Variants in CCSER1 observed in about 807,000 individuals in gnomAD.
The protein encoded by CCSER1 is serine-rich coiled-coil domain-containing protein 1.
In CCSER1, 41 loss-of-function variants were observed where a neutral mutation model predicts 82.0. The observed-to-expected ratio is 0.50, with a 90% CI of 0.39 to 0.65. The LOEUF is 0.65. Ranked by LOEUF, CCSER1 falls within the 30% of genes least tolerant of loss-of-function variation. CCSER1 has a pLI of 0.00. For missense variants in CCSER1, 1,119 were observed against 1,064.2 expected (o/e 1.05, Z -0.72); for synonymous variants, 414 against 383.9 (o/e 1.08, Z -0.92).
At chr4:91,509,274 A>G (rs1438119567) in intron 10 of CCSER1, among the ~76,000 whole-genome samples, 1 of 151,922 alleles carries the variant, frequency 6.6e-6, no homozygotes, top group Non-Finnish European at 1.5e-5. Flanking sequence ...TAACAAATCC[A>G]TTTTGGTTCA....
At chr4:90,160,167 A>G (rs993117572) in intron 1 of CCSER1, among the ~76,000 whole-genome samples, 3 of 152,176 alleles carry the variant, frequency 2.0e-5, no homozygotes, top group African/African-American at 7.2e-5. Context: ...GCTCTCTTCA[A>G]AACAGTCCTT....
At chr4:90,863,949 T>TTTTTATTTTA (rs57672590) in intron 8 of CCSER1, among the ~76,000 whole-genome samples, 4,997 of 117,606 alleles carry the variant, frequency 0.042, 232 homozygotes, top group Non-Finnish European at 0.06. Flanking sequence ...ACCTATCACG[T>TTTTTATTTTA]TTTTATTTTA....
intron 5 of CCSER1, among the ~76,000 whole-genome samples, chr4:90,496,811 T>C (rs189635568): frequency 6.6e-6 from 1 of 151,872 alleles, no homozygotes; most frequent in Non-Finnish European, 1.5e-5. Flanking sequence ...ACCCCGTCTC[T>C]ACTAAAAATA....
At chr4:90,950,504 A>T (rs1269067090) in intron 9 of CCSER1, among the ~76,000 whole-genome samples, 1 of 151,524 alleles carries the variant, frequency 6.6e-6, no homozygotes, top group African/African-American at 2.4e-5. Flanking sequence ...AAACATACAC[A>T]TACACACACA....
At chr4:90,527,067 G>C (rs1427614692) in intron 5 of CCSER1, among the ~76,000 whole-genome samples, 1 of 152,030 alleles carries the variant, frequency 6.6e-6, no homozygotes, top group South Asian at 2.1e-4. Context: ...CACACCAAAA[G>C]CAATGGCAAC....
intron 5 of CCSER1, among the ~76,000 whole-genome samples, chr4:90,525,304 A>T (rs551880658): frequency 6.6e-6 from 1 of 152,278 alleles, no homozygotes; most frequent in Admixed American, 6.5e-5. Context: ...TTTCTGTAAT[A>T]TAAACGATAG....
chr4:91,497,431 G>A (rs905309665), intron 10 of CCSER1, among the ~76,000 whole-genome samples: 2 of 151,616 alleles, frequency 1.3e-5, no homozygotes, highest in African/African-American at 4.8e-5. Context: ...GGCAAATACT[G>A]AAAATAGAGA....
intron 6 of CCSER1, among the ~76,000 whole-genome samples, chr4:90,704,423 A>C (rs896281480): frequency 1.3e-5 from 2 of 151,966 alleles, no homozygotes; most frequent in Non-Finnish European, 2.9e-5. Flanking sequence ...CCTTCATTTC[A>C]ACTTTGGTGA....
At position 91,465,994 on chromosome 4, in the gene CCSER1, C is replaced by T. The variant is rs1578532031; in HGVS notation, c.2218-132578C>T. 2.0e-5 allele frequency among the ~76,000 whole-genome samples: 3 copies of T among 152,312 alleles called. No homozygotes were observed. The South Asian group carries it at 6.2e-4, about 32-fold the overall frequency. Reference sequence around the variant, plus strand: ...TAGAAAAAGAGGGGATCCTCCCTAACTCATTTTATGAGGCCAGCATCATCC... The same window carrying T: ...TAGAAAAAGAGGGGATCCTCCCTAATTCATTTTATGAGGCCAGCATCATCC... On this transcript the variant is annotated intron_variant, in intron 10 of 10. Transcript: ENST00000509176.
chr4:90,167,850 A>G (rs930520925), intron 1 of CCSER1, among the ~76,000 whole-genome samples: 21 of 152,052 alleles, frequency 1.4e-4, no homozygotes, highest in African/African-American at 5.1e-4. Flanking sequence ...TATATGTGCC[A>G]CATTTTCTTA....
chr4:91,400,985 A>G (rs1329719094), intron 10 of CCSER1, among the ~76,000 whole-genome samples: 1 of 151,950 alleles, frequency 6.6e-6, no homozygotes, highest in Non-Finnish European at 1.5e-5. Context: ...ACCCAGTTCA[A>G]AGTTAAGAAC....
chr4:91,389,000 T>A (rs950979231), intron 10 of CCSER1, among the ~76,000 whole-genome samples: 1 of 152,110 alleles, frequency 6.6e-6, no homozygotes, highest in Admixed American at 6.6e-5. Flanking sequence ...TTATCAGATA[T>A]GCCTTTTACA....
At chr4:90,892,705 A>G (rs1723131738) in intron 8 of CCSER1, among the ~76,000 whole-genome samples, 2 of 151,862 alleles carry the variant, frequency 1.3e-5, no homozygotes, top group African/African-American at 4.8e-5. Flanking sequence ...TTTATTATTG[A>G]TTTCTTAACT....
intron 10 of CCSER1, among the ~76,000 whole-genome samples, chr4:91,352,782 T>C (rs1419030944): frequency 6.6e-6 from 1 of 152,120 alleles, no homozygotes; most frequent in Non-Finnish European, 1.5e-5. Context: ...CAAAATATAT[T>C]AAGAATCTGC....
At chr4:91,096,111 T>C (rs1045524927) in intron 10 of CCSER1, among the ~76,000 whole-genome samples, 6 of 152,184 alleles carry the variant, frequency 3.9e-5, no homozygotes, top group African/African-American at 1.4e-4. Context: ...GAAAGGGTAA[T>C]ATAAAAAGCA....
intron 1 of CCSER1, among the ~76,000 whole-genome samples, chr4:90,294,676 C>G (rs1417063415): frequency 3.3e-5 from 5 of 151,918 alleles, no homozygotes; most frequent in African/African-American, 1.2e-4. Context: ...ATATCTCATA[C>G]TCCCTTATTT....
chr4:90,752,041 T>C (rs997268227), intron 7 of CCSER1, among the ~76,000 whole-genome samples: 1 of 152,116 alleles, frequency 6.6e-6, no homozygotes, highest in East Asian at 1.9e-4. Flanking sequence ...GTGGTTTATC[T>C]AAAAGGTAGC....
intron 10 of CCSER1, among the ~76,000 whole-genome samples, chr4:91,242,061 A>T (rs1365363105): frequency 6.6e-6 from 1 of 152,228 alleles, no homozygotes; most frequent in Non-Finnish European, 1.5e-5. Flanking sequence ...AGATAGTAAG[A>T]GGAAAACCTC....
intron 9 of CCSER1, among the ~76,000 whole-genome samples, chr4:90,959,910 G>A (rs1450496352): frequency 2.0e-5 from 3 of 151,892 alleles, no homozygotes; most frequent in Admixed American, 1.3e-4. Context: ...TTCTTTCCAC[G>A]TTACTGCGTC....
Sources: gnomAD v4.1 joint callset for allele counts (sites outside exome capture counted in the v4.1 genomes callset) on GRCh38, gnomAD v4.1.1 for gene constraint, MANE v1.5 for transcripts, NCBI Gene and HGNC (gene_info 2026-07-23, HGNC 2026-07-21) for gene names.